ODF2L: variants seen among roughly 807,000 people sequenced by gnomAD.
The protein encoded by ODF2L is outer dense fiber of sperm tails 2 like.
ODF2L carries 76 observed loss-of-function variants against 86.3 expected under a neutral mutation model. The observed-to-expected ratio is 0.88, with a 90% confidence interval of 0.73 to 1.07. The LOEUF is 1.07. Among genes scored for constraint, ODF2L ranks in the 50% least tolerant of loss-of-function variants. ODF2L has a pLI of 0.00. For synonymous variants in ODF2L, 241 were observed against 231.3 expected, an observed-to-expected ratio of 1.04 and a Z score of -0.38; for missense variants, 748 against 717.4, an observed-to-expected ratio of 1.04 and a Z score of -0.49.
intron 13 of ODF2L, among the ~76,000 whole-genome samples, chr1:86,357,446 T>G (rs1013783061): frequency 3.3e-5 from 5 of 151,722 alleles, no homozygotes; most frequent in South Asian, 2.1e-4. Context: ...GAAAAAAGAC[T>G]TGTCGCCATC....
chr1:86,382,494 T>A, intron 6 of ODF2L, 136 bp from the exon 7 acceptor site: 1 of 1,407,242 alleles, frequency 7.1e-7, no homozygotes, highest in African/African-American at 1.5e-5. Context: ...TTACATAAAC[T>A]GCCGCCCCTA....
At chr1:86,395,455 G>C (rs1661666495) in intron 1 of ODF2L, among the ~76,000 whole-genome samples, 1 of 152,092 alleles carries the variant, frequency 6.6e-6, no homozygotes, top group African/African-American at 2.4e-5. Context: ...CCTAGACAAG[G>C]CCACACAGCG....
intron 11 of ODF2L, among the ~76,000 whole-genome samples, chr1:86,362,479 C>T (rs1040979250): frequency 6.6e-5 from 10 of 151,516 alleles, no homozygotes; most frequent in South Asian, 2.1e-4. Context: ...TTTGTAGACA[C>T]GAGGTCTCAG....
intron 7 of ODF2L, among the ~76,000 whole-genome samples, chr1:86,378,298 A>G (rs113675799): frequency 8.0e-4 from 122 of 152,280 alleles, no homozygotes; most frequent in African/African-American, 2.7e-3. Flanking sequence ...TTCATTGTCC[A>G]TATCACTATC....
chr1:86,395,264 T>G (rs1162983304), intron 1 of ODF2L, among the ~76,000 whole-genome samples: 1 of 152,230 alleles, frequency 6.6e-6, no homozygotes, highest in African/African-American at 2.4e-5. Flanking sequence ...AAATAGATTT[T>G]ATCCCCAACA....
At chr1:86,366,429 CACACAT>C (rs781523215) in intron 11 of ODF2L, among the ~76,000 whole-genome samples, 6,169 of 139,326 alleles carry the variant, frequency 0.044, 164 homozygotes, top group Non-Finnish European at 0.051. Flanking sequence ...CACACACACA[CACACAT>C]ACACATACAC....
intron 1 of ODF2L, among the ~76,000 whole-genome samples, chr1:86,387,364 G>A (rs1661027291): frequency 6.6e-6 from 1 of 152,012 alleles, no homozygotes; most frequent in Non-Finnish European, 1.5e-5. Context: ...TCTATTTCTT[G>A]AAGTATTACA....
Position 86,354,510 on chromosome 1 carries a change from TA to T in ODF2L, c.1767+19del. The T allele has an allele frequency of 6.6e-7, 1 of 1,518,374 alleles. No homozygotes were observed. Among genetic ancestry groups the T allele is most frequent in the Non-Finnish European group, 9.0e-7 (1 of 1,115,400 alleles). The allele number at this position is 1,518,374 out of a possible 1,614,324, so 94.1% of individuals were successfully genotyped here. A position where few individuals can be genotyped will look rare whatever the true frequency, so the allele number is the denominator to read the frequency against. ...TTTGGTAAATGAATTAAAAAGTTTCTAAATAAAGGCCATGCATACCTTTTGT... is the reference window on the plus strand; with the variant it reads ...TTTGGTAAATGAATTAAAAAGTTTCTAATAAAGGCCATGCATACCTTTTGT... On this transcript the variant is annotated intron_variant, in intron 16 of 17. Transcript: ENST00000317336.
intron 8 of ODF2L, 25 bp from the exon 9 acceptor site, chr1:86,372,565 T>A (rs1659872351): frequency 8.3e-7 from 1 of 1,209,618 alleles, no homozygotes; most frequent in African/African-American, 1.6e-5. Context: ...AAAGTATTCA[T>A]ACTATAATTT....
intron 1 of ODF2L, among the ~76,000 whole-genome samples, chr1:86,388,231 T>C (rs528808203): frequency 2.8e-3 from 430 of 152,182 alleles, no homozygotes; most frequent in Non-Finnish European, 4.6e-3. Context: ...TTTCGAGCTA[T>C]CTATAAACTA....
Position 86,374,500 on chromosome 1 carries a change from A to C in ODF2L, c.810+1733T>G, listed in dbSNP as rs533806099. Among the ~76,000 whole-genome samples the C allele has an allele frequency of 2.0e-5, 3 of 152,232 alleles. No homozygotes were observed. In the East Asian group the frequency reaches 5.8e-4, roughly 29 times the overall value. ...GCACATCTAAGCCACGAGAAGCAAAATTAGGATCTAATTTTCAAAGAAGGA... is the reference window on the plus strand; with the variant it reads ...GCACATCTAAGCCACGAGAAGCAAACTTAGGATCTAATTTTCAAAGAAGGA... On this transcript the variant is annotated intron_variant, in intron 8 of 17. Transcript: ENST00000317336.
chr1:86,379,789 G>A (rs1660437098), intron 7 of ODF2L, among the ~76,000 whole-genome samples: 1 of 152,156 alleles, frequency 6.6e-6, no homozygotes, highest in Admixed American at 6.6e-5. Context: ...CACAGGTTTA[G>A]ATAAATTAAT....
intron 7 of ODF2L, 115 bp downstream of exon 7, chr1:86,382,127 A>T: frequency 7.8e-7 from 1 of 1,287,954 alleles, no homozygotes; most frequent in Non-Finnish European, 1.0e-6. Flanking sequence ...TGTATTTCCC[A>T]TGTCAACAAC....
At chr1:86,348,616 T>C, downstream of ODF2L, 1 of 782,614 alleles carries the variant, frequency 1.3e-6, no homozygotes. Flanking sequence ...GTTTCAAAAA[T>C]CTTTACATAA....
At chr1:86,388,294 A>G (rs1661083335) in intron 1 of ODF2L, among the ~76,000 whole-genome samples, 1 of 152,134 alleles carries the variant, frequency 6.6e-6, no homozygotes, top group South Asian at 2.1e-4. Flanking sequence ...AAAAGTTAAG[A>G]AGAATATGCT....
chr1:86,385,571 T>C, exon 3 of ODF2L: 2 of 1,611,946 alleles, frequency 1.2e-6, no homozygotes, highest in Non-Finnish European at 1.7e-6. Context: ...GTCTTTTCAT[T>C]TAGAATGTCC....
chr1:86,358,171 C>T (rs34204564), intron 13 of ODF2L: 21,155 of 716,044 alleles, frequency 0.03, 553 homozygotes, highest in East Asian at 0.12. Context: ...CCACTAACAT[C>T]GCATGACCTC....
intron 10 of ODF2L, 142 bp downstream of exon 10, chr1:86,370,876 A>G (rs1452568333): frequency 2.1e-6 from 1 of 471,528 alleles, no homozygotes; most frequent in African/African-American, 2.0e-5. Context: ...AGTACTGCTG[A>G]AAACATAATA....
rs761794380 is a variant in ODF2L at position 86,383,022 on chromosome 1, A to C, written c.436-20T>G. 3 of 1,393,338 alleles carry C rather than the reference A, an allele frequency of 2.2e-6. No individual in the cohort carries two copies. Among genetic ancestry groups the C allele is most frequent in the African/African-American group, 1.4e-5 (1 of 70,084 alleles). 86.3% of individuals were successfully genotyped at this position (1,393,338 alleles called of 1,614,324 possible). On this transcript the variant is annotated intron_variant, in intron 5 of 17. Coordinates refer to ENST00000317336, the Ensembl canonical transcript of ODF2L. ...AAGATTCTTGAGCAAATATAAAATA[A>C]GAATTAGGAATTTCACAACTTGGAT...
Sources: gnomAD v4.1 joint callset for allele counts (sites outside exome capture counted in the v4.1 genomes callset) on GRCh38, gnomAD v4.1.1 for gene constraint, MANE v1.5 for transcripts, NCBI Gene and HGNC (gene_info 2026-07-23, HGNC 2026-07-21) for gene names.